The following ZNF385D variants were observed in gnomAD, a reference collection of about 807,000 sequenced individuals.
ZNF385D encodes the protein zinc finger protein 385D, also known as zinc finger protein 659.
In ZNF385D, 15 loss-of-function variants were observed where a neutral mutation model predicts 35.8. The observed-to-expected ratio is 0.42, with a 90% CI of 0.28 to 0.64. The LOEUF is 0.64. Among genes scored for constraint, ZNF385D ranks in the 30% least tolerant of loss-of-function variants. The probability of loss-of-function intolerance (pLI) is 0.23; values close to 1 mark genes in which losing one functional copy is unlikely to be tolerated. For synonymous variants in ZNF385D, 212 were observed against 186.8 expected, an observed-to-expected ratio of 1.13 and a Z score of -1.10; for missense variants, 474 against 494.6, an observed-to-expected ratio of 0.96 and a Z score of 0.39.
chr3:21,698,688 C>T (rs1446046894), intron 1 of ZNF385D, among the ~76,000 whole-genome samples: 1 of 151,658 alleles, frequency 6.6e-6, no homozygotes, highest in Non-Finnish European at 1.5e-5. Context: ...AGGATATGAA[C>T]TGACACTTCT....
At chr3:21,801,576 C>G (rs1419770496) in intron 3 of ZNF385D, among the ~76,000 whole-genome samples, 1 of 152,060 alleles carries the variant, frequency 6.6e-6, no homozygotes. Flanking sequence ...TTACCTTTTT[C>G]TCTCTGGCCA....
intron 3 of ZNF385D, among the ~76,000 whole-genome samples, chr3:21,943,258 C>T (rs970164724): frequency 6.6e-6 from 1 of 151,490 alleles, no homozygotes; most frequent in Admixed American, 6.6e-5. Context: ...GATATATTCA[C>T]TGACTCTATA....
At chr3:21,604,171 A>C (rs755076791) in intron 2 of ZNF385D, among the ~76,000 whole-genome samples, 1 of 152,186 alleles carries the variant, frequency 6.6e-6, no homozygotes, top group African/African-American at 2.4e-5. Context: ...AACGTAGCCT[A>C]ATAAAGATAA....
chr3:22,199,055 C>T (rs1046441273), intron 2 of ZNF385D, among the ~76,000 whole-genome samples: 2 of 152,022 alleles, frequency 1.3e-5, no homozygotes, highest in South Asian at 2.1e-4. Flanking sequence ...TGATTGGTCT[C>T]GTATTTTACT....
intron 3 of ZNF385D, among the ~76,000 whole-genome samples, chr3:22,157,024 T>G (rs2125731855): frequency 6.6e-6 from 1 of 152,274 alleles, no homozygotes; most frequent in African/African-American, 2.4e-5. Context: ...ACTTCCTCTT[T>G]TTCTGAAGCT....
intron 2 of ZNF385D, among the ~76,000 whole-genome samples, chr3:22,318,813 G>C (rs1035407686): frequency 5.3e-5 from 8 of 152,054 alleles, no homozygotes; most frequent in African/African-American, 1.9e-4. Flanking sequence ...TGTGAAAAAA[G>C]ACAATGATTA....
chr3:21,745,574 T>A (rs2069728860), intron 1 of ZNF385D, among the ~76,000 whole-genome samples: 1 of 152,234 alleles, frequency 6.6e-6, no homozygotes, highest in South Asian at 2.1e-4. Flanking sequence ...AGCCACCTCT[T>A]ATGCTGTATT....
intron 2 of ZNF385D, among the ~76,000 whole-genome samples, chr3:22,371,509 A>G (rs1015183105): frequency 9.9e-5 from 15 of 152,194 alleles, no homozygotes; most frequent in African/African-American, 3.4e-4. Flanking sequence ...AGCTCGGGCT[A>G]AAGCACTCAT....
At chr3:22,057,590 G>C (rs1372204795) in intron 3 of ZNF385D, among the ~76,000 whole-genome samples, 1 of 150,786 alleles carries the variant, frequency 6.6e-6, no homozygotes, top group Non-Finnish European at 1.5e-5. Flanking sequence ...ACTCACTGCA[G>C]CCTCCATCTC....
At chr3:21,703,125 G>A (rs1287815251) in intron 1 of ZNF385D, among the ~76,000 whole-genome samples, 1 of 152,108 alleles carries the variant, frequency 6.6e-6, no homozygotes, top group Non-Finnish European at 1.5e-5. Context: ...ACATACCAGA[G>A]ACCAGGAAGA....
At chr3:21,527,877 G>A (rs566423099) in intron 3 of ZNF385D, among the ~76,000 whole-genome samples, 1 of 152,148 alleles carries the variant, frequency 6.6e-6, no homozygotes, top group African/African-American at 2.4e-5. Flanking sequence ...AGCACTAAGA[G>A]CGTAAAGATA....
chr3:22,218,921 A>G (rs1698067901), intron 2 of ZNF385D, among the ~76,000 whole-genome samples: 1 of 152,132 alleles, frequency 6.6e-6, no homozygotes, highest in African/African-American at 2.4e-5. Context: ...TTTGTAGATC[A>G]TTGCATGTTA....
At chr3:21,727,561 T>C (rs545608287) in intron 1 of ZNF385D, among the ~76,000 whole-genome samples, 4 of 152,064 alleles carry the variant, frequency 2.6e-5, no homozygotes, top group Non-Finnish European at 5.9e-5. Context: ...AAGAAACATA[T>C]GAAAAAATGC....
chr3:21,855,694 T>C (rs2670283), intron 3 of ZNF385D, among the ~76,000 whole-genome samples: 135,553 of 151,998 alleles, frequency 0.89, 60,706 homozygotes, highest in African/African-American at 0.96. Context: ...TTTACTTAAC[T>C]GTTTGTGCTA....
intron 1 of ZNF385D, among the ~76,000 whole-genome samples, chr3:21,695,774 G>C (rs1332842742): frequency 6.7e-6 from 1 of 150,070 alleles, no homozygotes; most frequent in Non-Finnish European, 1.5e-5. Context: ...TATATATAAA[G>C]TTAATAAACA....
chr3:21,734,289 T>TG (rs1000050137), intron 1 of ZNF385D, among the ~76,000 whole-genome samples: 23 of 151,608 alleles, frequency 1.5e-4, no homozygotes, highest in Middle Eastern at 3.4e-3. Context: ...CTCAGGGTTT[T>TG]TTTTTTCAGA....
chr3:22,211,266 A>G (rs1697504462), intron 2 of ZNF385D, among the ~76,000 whole-genome samples: 1 of 151,940 alleles, frequency 6.6e-6, no homozygotes, highest in African/African-American at 2.4e-5. Flanking sequence ...GAATGAATGA[A>G]TATTCCTCAG....
At chr3:21,498,380 G>C (rs961987659) in intron 4 of ZNF385D, among the ~76,000 whole-genome samples, 10 of 151,958 alleles carry the variant, frequency 6.6e-5, no homozygotes, top group Admixed American at 2.6e-4. Context: ...GGGACCTAAA[G>C]AGCTTCTGTA....
chr3:21,636,952 T>C (rs2065468361), intron 2 of ZNF385D, among the ~76,000 whole-genome samples: 1 of 152,086 alleles, frequency 6.6e-6, no homozygotes, highest in South Asian at 2.1e-4. Flanking sequence ...GAATTGTTTT[T>C]TTTGTTGTTG....
Sources: gnomAD v4.1 joint callset for allele counts (sites outside exome capture counted in the v4.1 genomes callset) on GRCh38, gnomAD v4.1.1 for gene constraint, MANE v1.5 for transcripts, NCBI Gene and HGNC (gene_info 2026-07-23, HGNC 2026-07-21) for gene names.